Variants in TMEM87A observed in about 807,000 individuals in gnomAD.
TMEM87A encodes Golgi-pH regulating cation channel.
A neutral mutation model predicts 90.0 loss-of-function variants in TMEM87A; 50 were observed. The observed-to-expected ratio is 0.56, with a 90% CI of 0.44 to 0.70. TMEM87A has a LOEUF of 0.70. Ranked by LOEUF, TMEM87A falls within the 30% of genes least tolerant of loss-of-function variation. The probability of loss-of-function intolerance (pLI) is 0.00; values close to 1 mark genes in which losing one functional copy is unlikely to be tolerated. For synonymous variants in TMEM87A, 226 were observed against 226.7 expected (o/e 1.00, Z 0.03); for missense variants, 577 against 660.5 (o/e 0.87, Z 1.39).
intron 6 of TMEM87A, among the ~76,000 whole-genome samples, chr15:42,248,740 TTC>T (rs763909274): frequency 6.6e-6 from 1 of 152,324 alleles, no homozygotes; most frequent in East Asian, 1.9e-4. Context: ...TGGTCTAAAA[TTC>T]TCTTTTTTTT....
chr15:42,215,603 A>G (rs757659235), intron 19 of TMEM87A, among the ~76,000 whole-genome samples: 1 of 152,238 alleles, frequency 6.6e-6, no homozygotes, highest in African/African-American at 2.4e-5. Context: ...GACATTTCTC[A>G]AAAGAGGGCT....
chr15:42,217,738 G>T, intron 19 of TMEM87A, 65 bp downstream of exon 19: 1 of 1,507,248 alleles, frequency 6.6e-7, no homozygotes, highest in Non-Finnish European at 9.2e-7. Context: ...TCCATGAACA[G>T]ACGATTCATG....
At chr15:42,257,508 CTTTATAAA>C (rs1425351716) in intron 6 of TMEM87A, among the ~76,000 whole-genome samples, 1 of 152,134 alleles carries the variant, frequency 6.6e-6, no homozygotes, top group African/African-American at 2.4e-5. Flanking sequence ...AACCTCTTTT[CTTTATAAA>C]TTACCCAGCT....
intron 19 of TMEM87A, among the ~76,000 whole-genome samples, chr15:42,215,347 A>G (rs2050363559): frequency 6.6e-6 from 1 of 152,076 alleles, no homozygotes; most frequent in South Asian, 2.1e-4. Flanking sequence ...AAAAAATGCA[A>G]AAAATTTGCC....
chr15:42,231,897 T>C (rs2050691876), intron 11 of TMEM87A: 2 of 1,277,786 alleles, frequency 1.6e-6, no homozygotes, highest in Non-Finnish European at 1.0e-6. Context: ...ACTATCAGAG[T>C]CAAGGGATAA....
chr15:42,270,965 A>C (rs1033177851), intron 2 of TMEM87A, among the ~76,000 whole-genome samples: 2 of 152,256 alleles, frequency 1.3e-5, no homozygotes, highest in African/African-American at 2.4e-5. Context: ...TAAACAATTG[A>C]AAAGAATAAA....
chr15:42,255,163 T>G (rs2051153899), intron 6 of TMEM87A, among the ~76,000 whole-genome samples: 1 of 151,976 alleles, frequency 6.6e-6, no homozygotes, highest in South Asian at 2.1e-4. Flanking sequence ...GACGGAGTTT[T>G]GCTCTTGTCG....
Position 42,237,577 on chromosome 15 carries a change from A to G in TMEM87A, c.723T>C (p.Gly241=), listed in dbSNP as rs1330042952. ...AGGCAGACCATGCCAGCCACAGAAC[A>G]CCAAACAGGACATATACAATACACA... The part of the protein sequence containing the change: ...MVMCIVYVLF[G]VLWLAWSACY... Residue 241 remains glycine, a synonymous_variant, in exon 9 of 20, where the codon GGT becomes GGC. Transcript: ENST00000389834. 2 of 1,614,100 alleles carry G rather than the reference A, an allele frequency of 1.2e-6. No individual in the cohort carries two copies. The highest frequency in any genetic ancestry group is 2.2e-5 in the South Asian group (2 of 91,066).
At position 42,244,049 on chromosome 15, in the gene TMEM87A, C is replaced by T. The variant is rs1443437717; in HGVS notation, c.622+1G>A. 6.6e-7 allele frequency: 1 copy of T among 1,524,222 alleles called. No individual in the cohort carries two copies. The highest frequency in any genetic ancestry group is 8.8e-7 in the Non-Finnish European group (1 of 1,135,998). The allele number at this position is 1,524,222 out of a possible 1,614,324, so 94.4% of individuals were successfully genotyped here. On this transcript the variant is annotated splice_donor_variant, in intron 7 of 19. Transcript: ENST00000389834. LOFTEE classifies it high-confidence loss of function. ...ACCATTAAAAAAAAAACTGAACTTA[C>T]TGGTAAAAAGATTACTCAGTGAATT...
chr15:42,251,608 C>T (rs961955117), intron 6 of TMEM87A, among the ~76,000 whole-genome samples: 1 of 152,186 alleles, frequency 6.6e-6, no homozygotes, highest in Non-Finnish European at 1.5e-5. Flanking sequence ...CCTGATCCTT[C>T]CTCTGGAAGC....
At chr15:42,234,336 G>C (rs1372462649) in intron 10 of TMEM87A, among the ~76,000 whole-genome samples, 3 of 152,204 alleles carry the variant, frequency 2.0e-5, no homozygotes, top group African/African-American at 4.8e-5. Flanking sequence ...CCTTAGTGTA[G>C]TGTAGTTTAA....
intron 2 of TMEM87A, chr15:42,271,574 ATAGCATTCAGTAC>A (rs2051525346): frequency 6.6e-6 from 1 of 152,218 alleles, no homozygotes; most frequent in African/African-American, 2.4e-5. Flanking sequence ...ACAACCACCT[ATAGCATTCAGTAC>A]AGTAACATGT....
intron 6 of TMEM87A, chr15:42,257,936 T>C: frequency 4.1e-6 from 4 of 984,034 alleles, no homozygotes; most frequent in Non-Finnish European, 4.8e-6. Context: ...CTAAAACTAT[T>C]AGAACATAAA....
rs16972969 is a variant in TMEM87A at position 42,271,020 on chromosome 15, T to C, written c.205+1043A>G. On this transcript the variant is annotated intron_variant, in intron 2 of 19. Transcript: ENST00000389834. ...AAATTTTGCACTTCCGTGAAGACAGTATGCATAGAATCACACATCTATCAT... is the reference window on the plus strand; with the variant it reads ...AAATTTTGCACTTCCGTGAAGACAGCATGCATAGAATCACACATCTATCAT... 8.1e-3 allele frequency among the ~76,000 whole-genome samples: 1,228 copies of C among 152,328 alleles called. 8 individuals are homozygous for C. Among genetic ancestry groups the C allele is most frequent in the Middle Eastern group, 0.037 (11 of 294 alleles).
At chr15:42,242,239 C>G (rs2050885898) in intron 7 of TMEM87A, among the ~76,000 whole-genome samples, 1 of 152,108 alleles carries the variant, frequency 6.6e-6, no homozygotes, top group Non-Finnish European at 1.5e-5. Context: ...GTTGGAAGTG[C>G]TGTCCCTATG....
intron 12 of TMEM87A, 33 bp downstream of exon 12, chr15:42,231,159 G>C (rs760562755): frequency 6.3e-7 from 1 of 1,574,870 alleles, no homozygotes; most frequent in African/African-American, 1.4e-5. Flanking sequence ...GGAGAAAATG[G>C]ACCATCATCA....
intron 8 of TMEM87A, among the ~76,000 whole-genome samples, chr15:42,239,335 C>T (rs114097804): frequency 0.017 from 2,536 of 152,274 alleles, 73 homozygotes; most frequent in African/African-American, 0.059. Flanking sequence ...GCCAGGGCAC[C>T]CAGCCTCATT....
intron 7 of TMEM87A, among the ~76,000 whole-genome samples, chr15:42,239,972 G>C (rs1029823418): frequency 6.6e-6 from 1 of 152,146 alleles, no homozygotes; most frequent in Non-Finnish European, 1.5e-5. Flanking sequence ...GAAGTGGGAA[G>C]GCTCTTTTGT....
At chr15:42,258,244 T>C (rs1474760128) in intron 6 of TMEM87A, 3 of 838,348 alleles carry the variant, frequency 3.6e-6, no homozygotes, top group Non-Finnish European at 2.9e-6. Context: ...AAAAGTCATA[T>C]AATACATACT....
Sources: allele counts gnomAD v4.1 joint callset (sites outside exome capture counted in the v4.1 genomes callset), GRCh38; gene constraint gnomAD v4.1.1; transcripts MANE v1.5; gene names NCBI Gene and HGNC (gene_info 2026-07-23, HGNC 2026-07-21).